TENM3: variants seen among roughly 807,000 people sequenced by gnomAD.
TENM3 encodes the protein teneurin-3.
In TENM3, 63 loss-of-function variants were observed where a neutral mutation model predicts 255.1. That is an observed-to-expected ratio of 0.25 (90% confidence interval 0.20 to 0.30). TENM3 has a LOEUF of 0.30. Among genes scored for constraint, TENM3 ranks in the 10% least tolerant of loss-of-function variants. TENM3 has a pLI of 1.00. For synonymous variants in TENM3, 1,306 were observed against 1,322.3 expected, an observed-to-expected ratio of 0.99 and a Z score of 0.27; for missense variants, 2,929 against 3,461.1, an observed-to-expected ratio of 0.85 and a Z score of 3.86.
chr4:181,799,018 C>T, the TENM3 span, among the ~76,000 whole-genome samples: 18 of 152,148 alleles, frequency 1.2e-4, no homozygotes, highest in Admixed American at 2.6e-4. Context: ...AAAATGTAGA[C>T]GGCCGCTTAT....
chr4:181,754,209 A>C, the TENM3 span, among the ~76,000 whole-genome samples: 1 of 152,060 alleles, frequency 6.6e-6, no homozygotes, highest in East Asian at 1.9e-4. Context: ...ACAAAATAAA[A>C]GAAAGAACAA....
At chr4:182,176,821 A>AATTTTT (rs1561169609) in intron 1 of TENM3, among the ~76,000 whole-genome samples, 1 of 113,358 alleles carries the variant, frequency 8.8e-6, no homozygotes. Context: ...CATCCGGCTA[A>AATTTTT]TTTTTTTTTT....
chr4:181,830,433 C>G, the TENM3 span, among the ~76,000 whole-genome samples: 5,647 of 152,018 alleles, frequency 0.037, 345 homozygotes, highest in African/African-American at 0.13. Context: ...TCATGCCCAG[C>G]TAATTTTTTT....
chr4:182,780,198 T>G (rs1236085179), intron 24 of TENM3, among the ~76,000 whole-genome samples: 2 of 151,796 alleles, frequency 1.3e-5, no homozygotes, highest in African/African-American at 4.8e-5. Flanking sequence ...GGTCTAACGT[T>G]TAAGTCTTTA....
At chr4:181,857,551 C>CAAAAAA in the TENM3 span, among the ~76,000 whole-genome samples, 39 of 104,722 alleles carry the variant, frequency 3.7e-4, no homozygotes, top group African/African-American at 1.2e-3. Context: ...CCTGTCTCTA[C>CAAAAAA]AAAAAAAAAA....
chr4:182,624,933 T>G (rs78728329), intron 4 of TENM3, among the ~76,000 whole-genome samples: 14,809 of 152,168 alleles, frequency 0.097, 1,310 homozygotes, highest in East Asian at 0.42. Flanking sequence ...GTGGTAATAC[T>G]ATGGAGAGTA....
At chr4:181,677,429 T>C in the TENM3 span, among the ~76,000 whole-genome samples, 2 of 152,284 alleles carry the variant, frequency 1.3e-5, no homozygotes, top group African/African-American at 4.8e-5. Flanking sequence ...GACATTCCTT[T>C]GAAAATGTCC....
At chr4:181,462,062 T>C in the TENM3 span, among the ~76,000 whole-genome samples, 1 of 152,182 alleles carries the variant, frequency 6.6e-6, no homozygotes, top group Admixed American at 6.5e-5. Flanking sequence ...TTTGCTTTTA[T>C]GCTGTGATAG....
At chr4:181,766,296 C>T in the TENM3 span, among the ~76,000 whole-genome samples, 3 of 152,156 alleles carry the variant, frequency 2.0e-5, no homozygotes, top group Non-Finnish European at 4.4e-5. Context: ...TTTTGCATTA[C>T]TAGGAGACAG....
At chr4:182,218,249 G>A (rs1333649243) in intron 1 of TENM3, among the ~76,000 whole-genome samples, 1 of 152,126 alleles carries the variant, frequency 6.6e-6, no homozygotes, top group East Asian at 1.9e-4. Context: ...CATCTTGAGA[G>A]CCTCACATCA....
At chr4:181,820,089 C>T in the TENM3 span, 1 of 151,842 alleles carries the variant, frequency 6.6e-6, no homozygotes, top group Admixed American at 6.6e-5. Flanking sequence ...AGTCTGTACA[C>T]AGAAGATGAG....
At chr4:181,812,924 G>A in the TENM3 span, among the ~76,000 whole-genome samples, 1 of 152,166 alleles carries the variant, frequency 6.6e-6, no homozygotes, top group Admixed American at 6.5e-5. Flanking sequence ...CTGAGTTGGG[G>A]GGAATAGCTG....
chr4:182,000,697 T>G, the TENM3 span, among the ~76,000 whole-genome samples: 1 of 152,152 alleles, frequency 6.6e-6, no homozygotes, highest in African/African-American at 2.4e-5. Context: ...CAATGTATTT[T>G]GAGACTCTAA....
At chr4:182,425,293 C>T (rs1771119347) in intron 3 of TENM3, among the ~76,000 whole-genome samples, 1 of 152,134 alleles carries the variant, frequency 6.6e-6, no homozygotes, top group Non-Finnish European at 1.5e-5. Context: ...CAAACAACAA[C>T]CCAAATTGTT....
At chr4:181,603,670 C>A in the TENM3 span, among the ~76,000 whole-genome samples, 2,206 of 152,230 alleles carry the variant, frequency 0.014, 31 homozygotes, top group South Asian at 0.049. Flanking sequence ...CACCTACTGC[C>A]AGCAAGGAAC....
chr4:181,612,620 C>A, the TENM3 span, among the ~76,000 whole-genome samples: 1 of 151,972 alleles, frequency 6.6e-6, no homozygotes, highest in East Asian at 1.9e-4. Context: ...TTTTATCAAA[C>A]CTTAAGTAGG....
intron 22 of TENM3, among the ~76,000 whole-genome samples, chr4:182,766,620 G>A (rs1235091921): frequency 6.6e-5 from 10 of 152,136 alleles, no homozygotes; most frequent in Admixed American, 2.6e-4. Flanking sequence ...TGAAGAAAAT[G>A]TCATTTCTGT....
the TENM3 span, among the ~76,000 whole-genome samples, chr4:181,698,076 T>C: frequency 2.6e-5 from 4 of 151,854 alleles, no homozygotes; most frequent in Admixed American, 6.6e-5. Flanking sequence ...TAGCTGGGTG[T>C]GGTGGCAGGC....
intron 3 of TENM3, among the ~76,000 whole-genome samples, chr4:182,512,701 G>C (rs1344108866): frequency 6.6e-6 from 1 of 152,170 alleles, no homozygotes; most frequent in Non-Finnish European, 1.5e-5. Context: ...GTGATATCCA[G>C]ATAGTCGTGA....
Sources: allele counts gnomAD v4.1 joint callset (sites outside exome capture counted in the v4.1 genomes callset), GRCh38; gene constraint gnomAD v4.1.1; transcripts MANE v1.5; gene names NCBI Gene and HGNC (gene_info 2026-07-23, HGNC 2026-07-21).